The following VWF variants were observed in gnomAD, a reference collection of about 807,000 sequenced individuals.
VWF encodes the protein von Willebrand factor, also known as Factor VIII related antigen.
A neutral mutation model predicts 308.6 loss-of-function variants in VWF; 176 were observed. The observed-to-expected ratio is 0.57, with a 90% CI of 0.50 to 0.65. The LOEUF is 0.65. VWF is among the 30% of genes least tolerant of loss of function. The probability of loss-of-function intolerance (pLI) is 0.00; values close to 1 mark genes in which losing one functional copy is unlikely to be tolerated. For missense variants in VWF, 3,146 were observed against 3,648.2 expected, an observed-to-expected ratio of 0.86 and a Z score of 3.55; for synonymous variants, 1,385 against 1,443.4, an observed-to-expected ratio of 0.96 and a Z score of 0.92.
intron 47 of VWF, among the ~76,000 whole-genome samples, chr12:5,955,141 T>C (rs566901715): frequency 1.9e-4 from 29 of 152,168 alleles, no homozygotes; most frequent in Non-Finnish European, 3.4e-4. Flanking sequence ...ATAGAAAAAT[T>C]TGATCTATAC....
At chr12:5,976,030 C>G (rs1565815656) in intron 43 of VWF, 81 bp downstream of exon 43, 8 of 1,593,466 alleles carry the variant, frequency 5.0e-6, no homozygotes, top group Non-Finnish European at 6.8e-6. Flanking sequence ...AAAAAAGAAC[C>G]TTTCTTACCC....
chr12:6,036,351 G>A (rs1346339251), intron 19 of VWF, 37 bp downstream of exon 19: 1 of 1,601,360 alleles, frequency 6.2e-7, no homozygotes, highest in Non-Finnish European at 8.6e-7. Context: ...CACCCGCAGG[G>A]CCTGGGTCCC....
rs1944001185 is a variant in VWF at position 6,011,984 on chromosome 12, G to A, written c.5664+103C>T. The stretch of plus-strand genomic sequence containing the variant: ...CGCAAAAACAAGATAATAGTAAAAG[G>A]AAGCACTGGACTAAGACCAAAGGAG... On this transcript the variant is annotated intron_variant, in intron 33 of 51. Coordinates refer to ENST00000261405, the MANE Select transcript of VWF (RefSeq NM_000552.5). 4.1e-6 allele frequency: 6 copies of A among 1,449,512 alleles called. No homozygotes were observed. The South Asian group carries it at 5.7e-5, about 14-fold the overall frequency. The allele number at this position is 1,449,512 out of a possible 1,614,324, so 89.8% of individuals were successfully genotyped here.
rs374435158 is a variant in VWF at position 5,968,046 on chromosome 12, A to T, written c.7770+81T>A. ...CTGGTTTCCTTCATTTCTGCTTTAC[A>T]ATGACTTGCCTGCTCCCCTTCCCAC... is the stretch of plus-strand genomic sequence containing the variant. On this transcript the variant is annotated intron_variant, in intron 46 of 51. Coordinates refer to ENST00000261405, the MANE Select transcript of VWF (RefSeq NM_000552.5). 4.0e-5 allele frequency: 64 copies of T among 1,590,628 alleles called. No homozygotes were observed. The African/African-American group carries it at 6.5e-4, about 16-fold the overall frequency.
In VWF at chr12:6,065,230, G is replaced by T; in HGVS notation, c.1200C>A (p.Asp400Glu). The stretch of plus-strand genomic sequence containing the variant: ...TCCCACTGAAGGTGAAGTATCTGTT[G>T]TCAAAGCTCTTGAAGTGTGATTGAC... ...VTGQSHFKSF[D>E]NRYFTFSGIC... The change falls in exon 11 of 52, where the codon GAC (aspartate) becomes GAA (glutamate). Residue 400 changes from aspartate (D) to glutamate (E), a missense_variant. Around this residue, in one of 3 missense-constraint regions of VWF, gnomAD observed 1,304 missense variants for 1,353.0 expected, o/e 0.96. Coordinates refer to ENST00000261405, the MANE Select transcript of VWF (RefSeq NM_000552.5). The T allele has an allele frequency of 6.2e-7, 1 of 1,614,188 alleles. No individual in the cohort carries two copies. Among genetic ancestry groups the T allele is most frequent in the Non-Finnish European group, 8.5e-7 (1 of 1,180,036 alleles).
rs1591833448 is a variant in VWF, at chr12:5,964,274, G to GCATGCATACATACATACATA, written c.7887+3211_7887+3212insTATGTATGTATGTATGCATG. Among the ~76,000 whole-genome samples the GCATGCATACATACATACATA allele has an allele frequency of 1.7e-3, 225 of 134,800 alleles. 3 individuals carry two copies. The highest frequency in any genetic ancestry group is 6.7e-3 in the African/African-American group (218 of 32,396). The allele number at this position is 134,800 out of a possible 152,430, so 88.4% of individuals were successfully genotyped here. A position where few individuals can be genotyped will look rare whatever the true frequency, so the allele number is the denominator to read the frequency against. ...TGCATACATACATACATACATACATGCATACATACATGCATACATACATAC... is the reference window on the plus strand; with the variant it reads ...TGCATACATACATACATACATACATGCATGCATACATACATACATACATACATACATGCATACATACATAC... On this transcript the variant is annotated intron_variant, in intron 47 of 51. Transcript: ENST00000261405.
chr12:5,968,824 CAAACAAAT>C (rs1943435596), intron 45 of VWF, among the ~76,000 whole-genome samples: 1 of 152,280 alleles, frequency 6.6e-6, no homozygotes, highest in African/African-American at 2.4e-5. Flanking sequence ...AACAAACAAA[CAAACAAAT>C]AAATAAAATT....
chr12:6,057,722 C>G (rs1944603016), intron 14 of VWF, 127 bp downstream of exon 14: 2 of 1,162,930 alleles, frequency 1.7e-6, no homozygotes, highest in Non-Finnish European at 2.4e-6. Flanking sequence ...AAAAACAAAG[C>G]CCGACCCCTT....
At chr12:5,990,510 G>A (rs999373616) in intron 38 of VWF, among the ~76,000 whole-genome samples, 15 of 152,174 alleles carry the variant, frequency 9.9e-5, no homozygotes, top group Non-Finnish European at 1.6e-4. Flanking sequence ...TCTCCTATTC[G>A]TGGTTGAACA....
chr12:5,964,291 C>T (rs992548887), intron 47 of VWF, among the ~76,000 whole-genome samples: 1 of 152,012 alleles, frequency 6.6e-6, no homozygotes, highest in Admixed American at 6.5e-5. Context: ...TACATGCATA[C>T]ATACATACAA....
chr12:6,050,566 G>T (rs141203698), intron 16 of VWF, among the ~76,000 whole-genome samples: 2 of 152,266 alleles, frequency 1.3e-5, no homozygotes, highest in Non-Finnish European at 2.9e-5. Flanking sequence ...TCCAGTCTTA[G>T]TCTTCCTTCA....
At chr12:6,064,180 G>A in intron 12 of VWF, 66 bp downstream of exon 12, 3 of 1,612,280 alleles carry the variant, frequency 1.9e-6, no homozygotes, top group Non-Finnish European at 2.5e-6. Flanking sequence ...GGCCAGGGTT[G>A]AGAAGGAGGG....
At position 6,027,867 on chromosome 12, in the gene VWF, CA is replaced by C. The variant is rs1565835338; in HGVS notation, c.2967+1474del. Among the ~76,000 whole-genome samples, 521 of 151,880 alleles carry C rather than the reference CA, an allele frequency of 3.4e-3. 4 individuals carry two copies. The highest frequency in any genetic ancestry group is 0.012 in the African/African-American group (490 of 41,430). ...AGACACATACACACACACACACACA[CA>C]CACACACACACACACCCCTAAACAA... On this transcript the variant is annotated intron_variant, in intron 22 of 51. Coordinates refer to ENST00000261405, the MANE Select transcript of VWF (RefSeq NM_000552.5).
Position 6,072,404 on chromosome 12 carries a change from T to G in VWF, c.1036A>C (p.Thr346Pro). 6.2e-7 allele frequency: 1 copy of G among 1,614,072 alleles called. No homozygotes were observed. The highest frequency in any genetic ancestry group is 1.7e-5 in the Admixed American group (1 of 60,016). The change falls in exon 9 of 52, where the codon ACC becomes CCC. Residue 346 changes from threonine (T) to proline (P), a missense_variant. By Grantham distance (38) the Thr-to-Pro change is conservative. Transcript: ENST00000261405. ...LLDEGLCVES[T>P]ECPCVHSGKR... ...CCGGAATGCACGCAGGGACACTCGG[T>G]GCTCTCCACGCAGAGGCCTTCATCC...
chr12:6,052,684 G>C lies in VWF; in HGVS notation c.2045C>G (p.Ala682Gly), dbSNP rs753922791. ...GGGGCAGAAGCAGCCCTCCAGGCAG[G>C]CCTCATTGCATTCCTCATCCGGGTA... ...LSYPDEECNE[A>G]CLEGCFCPPG... is the part of the protein sequence containing the mutation. Residue 682 changes from alanine (A) to glycine (G), a missense_variant, in exon 16 of 52, where the codon GCC (alanine) becomes GGC (glycine). This residue lies in a region of VWF where 1,304 missense variants were observed against 1,353.0 expected (regional missense o/e 0.96). Coordinates refer to ENST00000261405, the MANE Select transcript of VWF (RefSeq NM_000552.5). 1 of 1,614,228 alleles carries C rather than the reference G, an allele frequency of 6.2e-7. No homozygotes were observed. The highest frequency in any genetic ancestry group is 1.7e-5 in the Admixed American group (1 of 60,032).
chr12:6,052,862 T>G, intron 15 of VWF, 79 bp from the exon 16 acceptor site: 1 of 1,537,322 alleles, frequency 6.5e-7, no homozygotes, highest in Non-Finnish European at 8.8e-7. Flanking sequence ...TGCCACCCCT[T>G]GTAGCTGTGA....
intron 5 of VWF, among the ~76,000 whole-genome samples, chr12:6,096,770 C>T (rs531531734): frequency 3.9e-5 from 6 of 152,242 alleles, no homozygotes; most frequent in East Asian, 3.9e-4. Context: ...AAAGTAATTG[C>T]GTAATCTGTA....
rs904109021 is a variant in VWF at position 6,102,285 on chromosome 12, T to C, written c.533-6701A>G. Reference sequence around the variant, plus strand: ...GGTGAAACCCTGTCTCTAATAAACATACAAAAATTAGCTGCGCATGGTGAT... The same window carrying C: ...GGTGAAACCCTGTCTCTAATAAACACACAAAAATTAGCTGCGCATGGTGAT... On this transcript the variant is annotated intron_variant, in intron 5 of 51. Coordinates refer to ENST00000261405, the MANE Select transcript of VWF (RefSeq NM_000552.5). 5.9e-5 allele frequency among the ~76,000 whole-genome samples: 9 copies of C among 151,432 alleles called. No homozygotes were observed. The East Asian group carries it at 1.7e-3, about 29-fold the overall frequency.
At chr12:6,010,376 G>A (rs537572236) in intron 34 of VWF, among the ~76,000 whole-genome samples, 160 of 152,210 alleles carry the variant, frequency 1.1e-3, no homozygotes, top group Non-Finnish European at 1.7e-3. Context: ...CTCATACCTC[G>A]CTGATCGAAA....
Sources: gnomAD v4.1 joint callset for allele counts (sites outside exome capture counted in the v4.1 genomes callset) on GRCh38, gnomAD v4.1.1 for gene constraint, gnomAD v4.1.1 regional missense constraint, MANE v1.5 for transcripts, NCBI Gene and HGNC (gene_info 2026-07-23, HGNC 2026-07-21) for gene names.